CAMK2D: variants seen among roughly 807,000 people sequenced by gnomAD.
CAMK2D encodes calcium/calmodulin-dependent protein kinase type II subunit delta.
In CAMK2D, 37 loss-of-function variants were observed where a neutral mutation model predicts 84.0. The ratio of observed to expected loss-of-function variants is 0.44; its 90% confidence interval spans 0.34 to 0.58. The LOEUF is 0.58. Among genes scored for constraint, CAMK2D ranks in the 20% least tolerant of loss-of-function variants. CAMK2D has a pLI of 0.02. For synonymous variants in CAMK2D, 202 were observed against 212.5 expected (o/e 0.95, Z 0.43); for missense variants, 448 against 652.5 (o/e 0.69, Z 3.41).
At chr4:113,679,388 T>C in intron 2 of CAMK2D, 1 of 842,808 alleles carries the variant, frequency 1.2e-6, no homozygotes, top group Non-Finnish European at 1.4e-6. Flanking sequence ...ATGCGGTTGT[T>C]TTTTAAATAC....
intron 4 of CAMK2D, among the ~76,000 whole-genome samples, chr4:113,564,127 G>A (rs1346104122): frequency 6.6e-6 from 1 of 152,080 alleles, no homozygotes; most frequent in Non-Finnish European, 1.5e-5. Context: ...AATTTTACTA[G>A]GTTCATTTGC....
intron 3 of CAMK2D, among the ~76,000 whole-genome samples, chr4:113,647,960 T>C (rs937161087): frequency 6.6e-6 from 1 of 152,200 alleles, no homozygotes; most frequent in African/African-American, 2.4e-5. Context: ...TAAATGCACA[T>C]TTGGCACTAC....
At chr4:113,637,957 T>G (rs751690897) in intron 3 of CAMK2D, among the ~76,000 whole-genome samples, 7 of 152,178 alleles carry the variant, frequency 4.6e-5, no homozygotes, top group Non-Finnish European at 8.8e-5. Context: ...ATAGCAGCCT[T>G]GTCCAAGCCC....
intron 2 of CAMK2D, among the ~76,000 whole-genome samples, chr4:113,682,944 G>C (rs972916943): frequency 4.6e-5 from 7 of 152,100 alleles, no homozygotes; most frequent in African/African-American, 1.7e-4. Context: ...AAGACTCATA[G>C]TTTCATCATG....
chr4:113,708,614 A>G (rs540915769), intron 2 of CAMK2D, among the ~76,000 whole-genome samples: 1 of 152,344 alleles, frequency 6.6e-6, no homozygotes, highest in East Asian at 1.9e-4. Context: ...AGCTGTAGGA[A>G]TAATCTTTTT....
chr4:113,470,385 C>T (rs1042479420), intron 16 of CAMK2D, among the ~76,000 whole-genome samples: 26 of 152,174 alleles, frequency 1.7e-4, no homozygotes, highest in African/African-American at 5.5e-4. Flanking sequence ...GTGGCTCATG[C>T]CTGTAATCTC....
At chr4:113,722,870 T>C (rs2099534989) in intron 2 of CAMK2D, among the ~76,000 whole-genome samples, 1 of 152,056 alleles carries the variant, frequency 6.6e-6, no homozygotes, top group Admixed American at 6.6e-5. Context: ...CTATTTCACC[T>C]TCACCAAAGC....
At chr4:113,599,889 GA>G (rs1408138041) in intron 4 of CAMK2D, among the ~76,000 whole-genome samples, 12 of 137,082 alleles carry the variant, frequency 8.8e-5, no homozygotes, top group African/African-American at 3.2e-4. Context: ...GGAGGAGGAG[GA>G]AGAGGAGGAG....
chr4:113,648,119 T>A (rs1419661274), intron 3 of CAMK2D, among the ~76,000 whole-genome samples: 1 of 152,222 alleles, frequency 6.6e-6, no homozygotes, highest in African/African-American at 2.4e-5. Context: ...TAAATTGATA[T>A]AACCCTATTT....
chr4:113,742,828 C>G (rs912691237), intron 2 of CAMK2D, among the ~76,000 whole-genome samples: 1 of 152,000 alleles, frequency 6.6e-6, no homozygotes, highest in Non-Finnish European at 1.5e-5. Context: ...CAGGATGAAC[C>G]AATTTATGTT....
rs554034202 is a variant in CAMK2D at position 113,652,540 on chromosome 4, G to A, written c.220+9173C>T. On this transcript the variant is annotated intron_variant, in intron 3 of 20. Coordinates refer to ENST00000511664, the MANE Select transcript of CAMK2D (RefSeq NM_001321571.2). ...CCAACTATCTTCTGGGCTCCCTAGC[G>A]ACATGAGTTATTCTTCCCCATGGTG... Among the ~76,000 whole-genome samples the A allele has an allele frequency of 1.1e-4, 16 of 152,234 alleles. No individual in the cohort carries two copies. The South Asian group carries it at 1.9e-3, about 18-fold the overall frequency.
intron 11 of CAMK2D, 44 bp downstream of exon 11, chr4:113,513,786 A>G: frequency 1.2e-6 from 1 of 864,972 alleles, no homozygotes; most frequent in East Asian, 2.4e-5. Flanking sequence ...TTCACTTCTT[A>G]GTCTGTCAAA....
At chr4:113,497,137 CAT>C (rs2097946759) in intron 16 of CAMK2D, among the ~76,000 whole-genome samples, 1 of 149,598 alleles carries the variant, frequency 6.7e-6, no homozygotes, top group African/African-American at 2.5e-5. Context: ...TTAGGTAAAA[CAT>C]GCATATATGT....
chr4:113,717,727 C>T (rs2099517973), intron 2 of CAMK2D, among the ~76,000 whole-genome samples: 1 of 151,934 alleles, frequency 6.6e-6, no homozygotes, highest in Non-Finnish European at 1.5e-5. Context: ...TGTTCGTATG[C>T]TTAACTATTT....
chr4:113,689,138 T>G (rs970287216), intron 2 of CAMK2D, among the ~76,000 whole-genome samples: 1 of 151,794 alleles, frequency 6.6e-6, no homozygotes, highest in African/African-American at 2.4e-5. Flanking sequence ...CCCAGCTACT[T>G]GGGAGGCTGA....
chr4:113,596,847 C>T (rs961347493), intron 4 of CAMK2D, among the ~76,000 whole-genome samples: 11 of 148,674 alleles, frequency 7.4e-5, no homozygotes, highest in African/African-American at 2.7e-4. Flanking sequence ...TGAGATGGAG[C>T]CTCGCTCTGT....
rs1404735959 is a variant in CAMK2D at position 113,694,491 on chromosome 4, T to C, written c.161-32719A>G. On this transcript the variant is annotated intron_variant, in intron 2 of 20. Transcript: ENST00000511664. ...GAATGAAAAAGCCAAGAATGGAGTT[T>C]ATAAGAGGCTCTTATTTGGGGAATG... Among the ~76,000 whole-genome samples, 6 of 152,172 alleles carry C rather than the reference T, an allele frequency of 3.9e-5. No individual in the cohort carries two copies. In the East Asian group the frequency reaches 1.2e-3, roughly 29 times the overall value.
In CAMK2D at chr4:113,743,989, C is replaced by T. The variant is rs11098201; in HGVS notation, c.160+15331G>A. ...CTGAGTAGCTGGGACTACAGGGGCC[C>T]GCCACCACACCCGGCTAAATTTTTG... On this transcript the variant is annotated intron_variant, in intron 2 of 20. Transcript: ENST00000511664. Among the ~76,000 whole-genome samples, 1,361 of 152,038 alleles carry T rather than the reference C, an allele frequency of 9.0e-3. 16 individuals carry two copies. The highest frequency in any genetic ancestry group is 0.031 in the African/African-American group (1,285 of 41,472).
intron 3 of CAMK2D, among the ~76,000 whole-genome samples, chr4:113,637,325 A>G (rs1259779770): frequency 6.6e-6 from 1 of 152,216 alleles, no homozygotes; most frequent in Non-Finnish European, 1.5e-5. Flanking sequence ...TAAATATACA[A>G]TGATTTTCCT....
Sources: gnomAD v4.1 joint callset for allele counts (sites outside exome capture counted in the v4.1 genomes callset) on GRCh38, gnomAD v4.1.1 for gene constraint, MANE v1.5 for transcripts, NCBI Gene and HGNC (gene_info 2026-07-23, HGNC 2026-07-21) for gene names.